NAA11: variants seen among roughly 807,000 people sequenced by gnomAD.
NAA11 encodes N-alpha-acetyltransferase 11.
In NAA11, 15 loss-of-function variants were observed where a neutral mutation model predicts 16.1. The observed-to-expected ratio is 0.93, with a 90% CI of 0.62 to 1.44. NAA11 has a LOEUF of 1.44. Among genes scored for constraint, NAA11 ranks in the 40% most tolerant of loss-of-function variants. The pLI is 0.00. For synonymous variants in NAA11, 122 were observed against 112.4 expected, an observed-to-expected ratio of 1.09 and a Z score of -0.54; for missense variants, 298 against 291.3, an observed-to-expected ratio of 1.02 and a Z score of -0.17.
At chr4:79,179,899 G>GA in the NAA11 span, among the ~76,000 whole-genome samples, 1 of 152,188 alleles carries the variant, frequency 6.6e-6, no homozygotes, top group South Asian at 2.1e-4. Context: ...AATCATAGCG[G>GA]AAGGCACAGG....
the NAA11 span, among the ~76,000 whole-genome samples, chr4:79,198,935 A>G: frequency 6.6e-6 from 1 of 151,954 alleles, no homozygotes; most frequent in African/African-American, 2.4e-5. Context: ...TCTCTATGGC[A>G]AATGGCATGC....
At chr4:79,195,471 G>A in the NAA11 span, among the ~76,000 whole-genome samples, 1 of 151,972 alleles carries the variant, frequency 6.6e-6, no homozygotes. Flanking sequence ...ATTCTTTACT[G>A]TTTTTTCCTT....
At chr4:79,250,543 G>C (rs1311580835) in intron 2 of NAA11, among the ~76,000 whole-genome samples, 1 of 152,160 alleles carries the variant, frequency 6.6e-6, no homozygotes, top group East Asian at 1.9e-4. Flanking sequence ...AGGTAACCTA[G>C]GATATACCAT....
At chr4:79,303,091 T>G (rs1723452701) in intron 1 of NAA11, among the ~76,000 whole-genome samples, 1 of 60,092 alleles carries the variant, frequency 1.7e-5, no homozygotes, top group African/African-American at 6.3e-5. Flanking sequence ...TATATATATA[T>G]ATATATATAT....
intron 2 of NAA11, among the ~76,000 whole-genome samples, chr4:79,287,714 A>C (rs1257960960): frequency 6.6e-6 from 1 of 151,642 alleles, no homozygotes; most frequent in Non-Finnish European, 1.5e-5. Context: ...AGAGAGAGAG[A>C]GCACCCCTGG....
chr4:79,242,302 C>T (rs2109961951), intron 2 of NAA11, among the ~76,000 whole-genome samples: 1 of 152,298 alleles, frequency 6.6e-6, no homozygotes, highest in Admixed American at 6.5e-5. Context: ...CCCTGCCTAC[C>T]AGTTTCAGTC....
At chr4:79,262,728 T>A (rs575048503) in intron 2 of NAA11, among the ~76,000 whole-genome samples, 7 of 152,184 alleles carry the variant, frequency 4.6e-5, no homozygotes, top group African/African-American at 1.7e-4. Flanking sequence ...AAACTCTATT[T>A]GTTTAGTTTT....
chr4:79,172,657 C>A, the NAA11 span, among the ~76,000 whole-genome samples: 1 of 152,060 alleles, frequency 6.6e-6, no homozygotes, highest in African/African-American at 2.4e-5. Flanking sequence ...GCAAAGGTTA[C>A]CAAAATTACC....
chr4:79,169,941 G>A, the NAA11 span, among the ~76,000 whole-genome samples: 7 of 152,178 alleles, frequency 4.6e-5, no homozygotes, highest in East Asian at 5.8e-4. Context: ...TATAGCAAAC[G>A]TGGCAGACTG....
the NAA11 span, among the ~76,000 whole-genome samples, chr4:79,196,953 G>GAGAAAA: frequency 1.1e-3 from 1 of 896 alleles, no homozygotes; most frequent in African/African-American, 3.0e-3. Flanking sequence ...AGATGAAAAA[G>GAGAAAA]ACAAAAAAAA....
chr4:79,306,211 A>T (rs1723575141), intron 1 of NAA11, among the ~76,000 whole-genome samples: 1 of 152,234 alleles, frequency 6.6e-6, no homozygotes, highest in Admixed American at 6.5e-5. Flanking sequence ...TAAACAAGAA[A>T]GAGAACTGTA....
At chr4:79,187,261 A>G in the NAA11 span, among the ~76,000 whole-genome samples, 4 of 152,182 alleles carry the variant, frequency 2.6e-5, no homozygotes, top group Non-Finnish European at 5.9e-5. Context: ...CGAACATCCC[A>G]ATGAGGATGT....
intron 1 of NAA11, among the ~76,000 whole-genome samples, chr4:79,324,481 AT>A (rs1724198763): frequency 6.6e-6 from 1 of 152,134 alleles, no homozygotes; most frequent in Non-Finnish European, 1.5e-5. Flanking sequence ...TGTGCCATTT[AT>A]TTGTTGAAGA....
intron 2 of NAA11, among the ~76,000 whole-genome samples, chr4:79,243,082 T>G (rs1281695416): frequency 6.6e-6 from 1 of 152,220 alleles, no homozygotes; most frequent in East Asian, 1.9e-4. Flanking sequence ...GGGTCAAGTT[T>G]GAAATTTCTG....
intron 2 of NAA11, among the ~76,000 whole-genome samples, chr4:79,255,225 A>T (rs1722081151): frequency 2.0e-5 from 3 of 152,148 alleles, no homozygotes; most frequent in Admixed American, 6.5e-5. Context: ...TCCATTGTTG[A>T]TGAATACTTG....
At chr4:79,289,586 G>T (rs370731984) in intron 2 of NAA11, among the ~76,000 whole-genome samples, 5 of 152,212 alleles carry the variant, frequency 3.3e-5, no homozygotes, top group African/African-American at 1.2e-4. Context: ...GAAAAAGCCA[G>T]AACTCAGACA....
At chr4:79,192,245 T>C in the NAA11 span, among the ~76,000 whole-genome samples, 1 of 152,090 alleles carries the variant, frequency 6.6e-6, no homozygotes, top group Non-Finnish European at 1.5e-5. Flanking sequence ...TTTTTTTTTG[T>C]ACTTTAGGTT....
chr4:79,309,500 G>C (rs1723697191), intron 1 of NAA11, among the ~76,000 whole-genome samples: 2 of 152,170 alleles, frequency 1.3e-5, no homozygotes, highest in South Asian at 4.2e-4. Context: ...TCTTGATTAA[G>C]AGATTTGATG....
intron 2 of NAA11, among the ~76,000 whole-genome samples, chr4:79,282,014 G>T (rs1722804001): frequency 6.6e-6 from 1 of 152,092 alleles, no homozygotes; most frequent in African/African-American, 2.4e-5. Context: ...TCCAGGATGG[G>T]TGGGACTGTC....
Sources: allele counts gnomAD v4.1 joint callset (sites outside exome capture counted in the v4.1 genomes callset), GRCh38; gene constraint gnomAD v4.1.1; transcripts MANE v1.5; gene names NCBI Gene and HGNC (gene_info 2026-07-23, HGNC 2026-07-21).